The following TENM2 variants were observed in gnomAD, a reference collection of about 807,000 sequenced individuals.
TENM2 encodes teneurin transmembrane protein 2, also known as teneurin-2.
Under a neutral mutation model 245.2 loss-of-function variants are expected in TENM2, and 52 were observed. The observed-to-expected ratio is 0.21, with a 90% confidence interval of 0.17 to 0.27. The LOEUF (loss-of-function observed/expected upper bound fraction) is 0.27, where lower values mean the gene tolerates loss of function less well. Among genes scored for constraint, TENM2 ranks in the 10% least tolerant of loss-of-function variants. The pLI is 1.00. For missense variants in TENM2, 3,046 were observed against 3,666.8 expected, an observed-to-expected ratio of 0.83 and a Z score of 4.37; for synonymous variants, 1,363 against 1,438.9, an observed-to-expected ratio of 0.95 and a Z score of 1.19.
At chr5:168,063,962 C>CATCA (rs1411163486) in intron 7 of TENM2, among the ~76,000 whole-genome samples, 5 of 151,908 alleles carry the variant, frequency 3.3e-5, no homozygotes, top group African/African-American at 1.2e-4. Flanking sequence ...GTCCTCCATC[C>CATCA]ATCCATCCAT....
At chr5:167,075,455 G>A in the TENM2 span, among the ~76,000 whole-genome samples, 7 of 152,156 alleles carry the variant, frequency 4.6e-5, no homozygotes, top group Non-Finnish European at 8.8e-5. Flanking sequence ...GGTAAGGAAT[G>A]GCATGGGGAT....
At chr5:167,954,984 G>A (rs887284261) in intron 4 of TENM2, among the ~76,000 whole-genome samples, 1 of 152,080 alleles carries the variant, frequency 6.6e-6, no homozygotes, top group Admixed American at 6.5e-5. Flanking sequence ...TTCATACCCA[G>A]TAATGGGATT....
the TENM2 span, among the ~76,000 whole-genome samples, chr5:167,227,463 C>A: frequency 6.6e-6 from 1 of 152,090 alleles, no homozygotes; most frequent in South Asian, 2.1e-4. Context: ...GAAATGAATT[C>A]CCTCGGTCTT....
the TENM2 span, among the ~76,000 whole-genome samples, chr5:167,085,414 G>A: frequency 3.9e-5 from 6 of 152,128 alleles, no homozygotes; most frequent in Non-Finnish European, 8.8e-5. Context: ...TAATTGGAAA[G>A]CTATCTAATT....
chr5:167,807,337 C>G (rs188209774), intron 2 of TENM2, among the ~76,000 whole-genome samples: 81 of 151,962 alleles, frequency 5.3e-4, no homozygotes, highest in African/African-American at 1.6e-3. Flanking sequence ...AGCAATTGCT[C>G]TGACACAGAG....
the TENM2 span, among the ~76,000 whole-genome samples, chr5:167,219,781 C>T: frequency 6.6e-6 from 1 of 152,132 alleles, no homozygotes; most frequent in East Asian, 1.9e-4. Flanking sequence ...AGGGAAAGCA[C>T]CTGAATAGTT....
At position 167,854,179 on chromosome 5, in the gene TENM2, T is replaced by G. The variant is rs75058350; in HGVS notation, c.503-21807T>G. 8.5e-3 allele frequency among the ~76,000 whole-genome samples: 1,295 copies of G among 152,232 alleles called. 19 individuals carry two copies. The highest frequency in any genetic ancestry group is 0.029 in the African/African-American group (1,202 of 41,572). On this transcript the variant is annotated intron_variant, in intron 2 of 28. Transcript: ENST00000518659. ...TATTTCAGCAAAGATCTCCATCTAC[T>G]CACATACTCACAAATAACATATTCT...
intron 5 of TENM2, among the ~76,000 whole-genome samples, chr5:168,009,731 C>T (rs1270038436): frequency 1.3e-5 from 2 of 152,190 alleles, no homozygotes; most frequent in East Asian, 3.8e-4. Context: ...GAGGATGAGC[C>T]TAAATGTGGT....
chr5:167,689,475 A>G (rs1238179119), intron 2 of TENM2, among the ~76,000 whole-genome samples: 1 of 152,250 alleles, frequency 6.6e-6, no homozygotes, highest in African/African-American at 2.4e-5. Flanking sequence ...CTGTTCCCAC[A>G]GCCAGAGATC....
the TENM2 span, among the ~76,000 whole-genome samples, chr5:166,989,852 A>G: frequency 6.7e-6 from 1 of 149,832 alleles, no homozygotes. Context: ...CTAGATGATA[A>G]CGGTATTAAG....
chr5:167,089,236 AG>A, the TENM2 span, among the ~76,000 whole-genome samples: 1 of 152,208 alleles, frequency 6.6e-6, no homozygotes, highest in Non-Finnish European at 1.5e-5. Context: ...TTAAATAAGA[AG>A]GGGAAGTAGC....
At chr5:168,196,880 C>T (rs1761476379) in intron 15 of TENM2, among the ~76,000 whole-genome samples, 1 of 152,184 alleles carries the variant, frequency 6.6e-6, no homozygotes, top group Admixed American at 6.5e-5. Flanking sequence ...CATCCCTCTC[C>T]ACTGCTTCCT....
chr5:167,597,349 T>G (rs1364169288), intron 2 of TENM2, among the ~76,000 whole-genome samples: 3 of 151,978 alleles, frequency 2.0e-5, no homozygotes, highest in African/African-American at 7.3e-5. Context: ...GTATTTTTAG[T>G]AGAGACAGGG....
At chr5:168,090,651 G>C in exon 8 of TENM2, 2 of 1,613,896 alleles carry the variant, frequency 1.2e-6, no homozygotes, top group Non-Finnish European at 1.7e-6. Flanking sequence ...GGAGCATACA[G>C]ACCTTGGTTC....
At chr5:167,149,680 C>T in the TENM2 span, among the ~76,000 whole-genome samples, 13 of 152,282 alleles carry the variant, frequency 8.5e-5, no homozygotes, top group Middle Eastern at 3.4e-3. Context: ...TTCTCCTGTT[C>T]TAGCTGTTTC....
intron 1 of TENM2, among the ~76,000 whole-genome samples, chr5:167,336,865 C>A (rs10056856): frequency 6.6e-6 from 1 of 151,166 alleles, no homozygotes; most frequent in Admixed American, 6.6e-5. Context: ...CGCCTGTAAT[C>A]CCAGCACTTT....
chr5:167,547,091 TA>T (rs1772608615), intron 2 of TENM2, among the ~76,000 whole-genome samples: 1 of 152,130 alleles, frequency 6.6e-6, no homozygotes, highest in Non-Finnish European at 1.5e-5. Context: ...ATCTTATTAT[TA>T]TTATTATTTT....
chr5:168,173,671 G>A (rs945182655), intron 13 of TENM2, among the ~76,000 whole-genome samples: 1 of 152,126 alleles, frequency 6.6e-6, no homozygotes, highest in African/African-American at 2.4e-5. Flanking sequence ...CTCTGTGGCA[G>A]GGCATGTGAA....
chr5:167,894,736 T>G (rs1033505554), intron 3 of TENM2, among the ~76,000 whole-genome samples: 1 of 152,162 alleles, frequency 6.6e-6, no homozygotes, highest in Admixed American at 6.6e-5. Flanking sequence ...ATTGTGCATA[T>G]TTTGCAAATA....
Sources: gnomAD v4.1 joint callset for allele counts (sites outside exome capture counted in the v4.1 genomes callset) on GRCh38, gnomAD v4.1.1 for gene constraint, MANE v1.5 for transcripts, NCBI Gene and HGNC (gene_info 2026-07-23, HGNC 2026-07-21) for gene names.